The following ARSB variants were observed in gnomAD, a reference collection of about 807,000 sequenced individuals.
The protein encoded by ARSB is N-acetylgalactosamine-4-sulfatase.
In ARSB, 41 loss-of-function variants were observed where a neutral mutation model predicts 50.9. That is an observed-to-expected ratio of 0.81 (90% CI 0.63 to 1.04). The LOEUF (loss-of-function observed/expected upper bound fraction) is 1.04. Ranked by LOEUF, ARSB falls within the 50% of genes least tolerant of loss-of-function variation. The pLI is 0.00. For synonymous variants in ARSB, 269 were observed against 284.8 expected, an observed-to-expected ratio of 0.94 and a Z score of 0.56; for missense variants, 672 against 693.3, an observed-to-expected ratio of 0.97 and a Z score of 0.35.
At chr5:78,847,678 G>A (rs3114499) in intron 5 of ARSB, among the ~76,000 whole-genome samples, 75,032 of 152,010 alleles carry the variant, frequency 0.49, 18,777 homozygotes, top group African/African-American at 0.58. Flanking sequence ...TCTGCAATGA[G>A]GTCATCAGGT....
At chr5:78,899,155 T>G (rs1748695931) in intron 4 of ARSB, among the ~76,000 whole-genome samples, 3 of 152,232 alleles carry the variant, frequency 2.0e-5, no homozygotes, top group Admixed American at 6.5e-5. Context: ...CTGGCCTGTT[T>G]AGTTTCCTTA....
At chr5:78,832,011 A>G (rs1307228180) in intron 6 of ARSB, among the ~76,000 whole-genome samples, 2 of 152,132 alleles carry the variant, frequency 1.3e-5, no homozygotes, top group Non-Finnish European at 2.9e-5. Context: ...AATATGTATT[A>G]ATCTCTTATA....
intron 6 of ARSB, among the ~76,000 whole-genome samples, chr5:78,788,464 C>T (rs968863148): frequency 2.6e-5 from 4 of 152,210 alleles, no homozygotes; most frequent in African/African-American, 9.6e-5. Flanking sequence ...CAGAAGTTGT[C>T]TTGAAATAGG....
chr5:78,828,594 G>A (rs1042018667), intron 6 of ARSB, among the ~76,000 whole-genome samples: 1 of 152,132 alleles, frequency 6.6e-6, no homozygotes, highest in African/African-American at 2.4e-5. Context: ...AACTTGTAAC[G>A]TCTCTACCAC....
chr5:78,946,668 T>G (rs1751248841), intron 4 of ARSB, among the ~76,000 whole-genome samples: 1 of 152,194 alleles, frequency 6.6e-6, no homozygotes, highest in African/African-American at 2.4e-5. Context: ...TGTTCATGAT[T>G]GGAACAATCA....
intron 4 of ARSB, among the ~76,000 whole-genome samples, chr5:78,914,058 G>A (rs914329479): frequency 6.6e-6 from 1 of 151,390 alleles, no homozygotes; most frequent in Admixed American, 6.6e-5. Context: ...AAACTCCTGG[G>A]CTCAAGTCAT....
At chr5:78,967,118 G>A (rs1752242212) in intron 2 of ARSB, among the ~76,000 whole-genome samples, 1 of 152,064 alleles carries the variant, frequency 6.6e-6, no homozygotes. Flanking sequence ...TTACTGAATT[G>A]CACTTTGGTG....
chr5:78,795,607 C>T (rs1743148474), intron 6 of ARSB, among the ~76,000 whole-genome samples: 2 of 152,226 alleles, frequency 1.3e-5, no homozygotes, highest in Admixed American at 6.5e-5. Flanking sequence ...GTTAGACCCT[C>T]ACTACTTACT....
intron 6 of ARSB, among the ~76,000 whole-genome samples, chr5:78,812,405 G>A (rs1315140836): frequency 6.6e-6 from 1 of 152,136 alleles, no homozygotes; most frequent in African/African-American, 2.4e-5. Flanking sequence ...AAACCAGGCT[G>A]GGAAAGTTGT....
At chr5:78,953,630 A>G (rs910758564) in intron 4 of ARSB, among the ~76,000 whole-genome samples, 1 of 152,180 alleles carries the variant, frequency 6.6e-6, no homozygotes, top group Non-Finnish European at 1.5e-5. Flanking sequence ...CCTCACCCCT[A>G]CATGGTCATG....
intron 6 of ARSB, among the ~76,000 whole-genome samples, chr5:78,827,439 G>T (rs1438276332): frequency 6.6e-6 from 1 of 152,044 alleles, no homozygotes; most frequent in Non-Finnish European, 1.5e-5. Flanking sequence ...TTGAGCTCCT[G>T]GCCTCATGCA....
At chr5:78,811,557 A>G (rs942936064) in intron 6 of ARSB, among the ~76,000 whole-genome samples, 1 of 152,238 alleles carries the variant, frequency 6.6e-6, no homozygotes, top group African/African-American at 2.4e-5. Context: ...GGACAAAAGT[A>G]GTGACTAGGG....
At chr5:78,822,925 C>A (rs1370831189) in intron 6 of ARSB, among the ~76,000 whole-genome samples, 3 of 152,194 alleles carry the variant, frequency 2.0e-5, no homozygotes. Flanking sequence ...CGTGAGCCAA[C>A]ACGCCTGGCC....
At chr5:78,873,879 G>A (rs1235504725) in intron 5 of ARSB, among the ~76,000 whole-genome samples, 1 of 152,258 alleles carries the variant, frequency 6.6e-6, no homozygotes, top group South Asian at 2.1e-4. Flanking sequence ...TGAGAAAACT[G>A]ACACAGTAGG....
intron 5 of ARSB, among the ~76,000 whole-genome samples, chr5:78,857,740 T>C (rs926535940): frequency 6.6e-6 from 1 of 152,202 alleles, no homozygotes; most frequent in African/African-American, 2.4e-5. Context: ...CAAAGACCTA[T>C]GTAAAGAAAA....
At chr5:78,792,377 G>C (rs1402782878) in intron 6 of ARSB, among the ~76,000 whole-genome samples, 1 of 133,972 alleles carries the variant, frequency 7.5e-6, no homozygotes, top group African/African-American at 2.8e-5. Context: ...AGAATCTGTC[G>C]CAAAAAAAAA....
At chr5:78,922,172 C>A (rs1203200555) in intron 4 of ARSB, among the ~76,000 whole-genome samples, 1 of 136,946 alleles carries the variant, frequency 7.3e-6, no homozygotes, top group Non-Finnish European at 1.5e-5. Flanking sequence ...AATCCTAATA[C>A]CATGCTGGGC....
At chr5:78,906,225 T>C (rs1749061127) in intron 4 of ARSB, among the ~76,000 whole-genome samples, 1 of 151,748 alleles carries the variant, frequency 6.6e-6, no homozygotes, top group African/African-American at 2.4e-5. Flanking sequence ...CCCAGCTATT[T>C]GGGAAGCTAA....
At chr5:78,941,473 T>C (rs1750919500) in intron 4 of ARSB, among the ~76,000 whole-genome samples, 1 of 152,224 alleles carries the variant, frequency 6.6e-6, no homozygotes, top group Admixed American at 6.5e-5. Flanking sequence ...TCTAATTTAT[T>C]GAGAGTTTTT....
Sources: gnomAD v4.1 joint callset for allele counts (sites outside exome capture counted in the v4.1 genomes callset) on GRCh38, gnomAD v4.1.1 for gene constraint, MANE v1.5 for transcripts, NCBI Gene and HGNC (gene_info 2026-07-23, HGNC 2026-07-21) for gene names.